Variants in RXFP2 observed in about 807,000 individuals in gnomAD.
RXFP2 encodes relaxin family peptide receptor 2.
A neutral mutation model predicts 88.6 loss-of-function variants in RXFP2; 68 were observed. The observed-to-expected ratio is 0.77, with a 90% CI of 0.63 to 0.94. The LOEUF is 0.94. RXFP2 is among the 40% of genes least tolerant of loss of function. The pLI is 0.00. For synonymous variants in RXFP2, 329 were observed against 306.8 expected, an observed-to-expected ratio of 1.07 and a Z score of -0.76; for missense variants, 791 against 893.9, an observed-to-expected ratio of 0.88 and a Z score of 1.47.
Position 31,782,760 on chromosome 13 carries a change from G to T in RXFP2, c.929+13G>T, listed in dbSNP as rs182293739. ...ATTTAGGAGAACTGTAAGTAGCATC[G>T]TCTACTAGGAAAATATGATTGCTTC... On this transcript the variant is annotated intron_variant, in intron 11 of 17. Transcript: ENST00000298386. The T allele has an allele frequency of 5.3e-4, 783 of 1,486,176 alleles. 3 individuals are homozygous for T. The highest frequency in any genetic ancestry group is 7.9e-4 in the East Asian group (35 of 44,228). 92.1% of individuals were successfully genotyped at this position (1,486,176 alleles called of 1,614,324 possible). A position where few individuals can be genotyped will look rare whatever the true frequency, so the allele number is the denominator to read the frequency against.
intron 1 of RXFP2, among the ~76,000 whole-genome samples, chr13:31,746,914 A>G (rs1428116630): frequency 1.3e-5 from 2 of 152,174 alleles, no homozygotes; most frequent in Non-Finnish European, 2.9e-5. Context: ...TCAAAATTCA[A>G]TCTGAGGGTG....
intron 5 of RXFP2, among the ~76,000 whole-genome samples, 189 bp from the exon 6 acceptor site, chr13:31,774,431 A>G (rs1229529696): frequency 6.6e-6 from 1 of 152,222 alleles, no homozygotes; most frequent in Non-Finnish European, 1.5e-5. Flanking sequence ...TCATTGCATG[A>G]GTACTATGAG....
chr13:31,762,463 A>C (rs1323435570), intron 3 of RXFP2, among the ~76,000 whole-genome samples: 1 of 152,220 alleles, frequency 6.6e-6, no homozygotes, highest in Non-Finnish European at 1.5e-5. Context: ...CATGAGGTGG[A>C]GGGGCAGGAG....
chr13:31,759,430 A>AAAG (rs1566218597), intron 2 of RXFP2, among the ~76,000 whole-genome samples: 22 of 143,110 alleles, frequency 1.5e-4, no homozygotes, highest in Middle Eastern at 3.8e-3. Flanking sequence ...AGAAAGAAAG[A>AAAG]AAGAAAGAAA....
At chr13:31,789,707 G>A (rs1047135527) in intron 14 of RXFP2, among the ~76,000 whole-genome samples, 42 of 152,302 alleles carry the variant, frequency 2.8e-4, no homozygotes, top group African/African-American at 9.4e-4. Flanking sequence ...GTTAATATAT[G>A]TGTTCATAAT....
intron 17 of RXFP2, among the ~76,000 whole-genome samples, 200 bp downstream of exon 17, chr13:31,797,619 A>C (rs1035273230): frequency 2.0e-5 from 3 of 152,222 alleles, no homozygotes; most frequent in African/African-American, 7.2e-5. Flanking sequence ...AAAAAGCAGG[A>C]GCTACAGAGA....
intron 17 of RXFP2, among the ~76,000 whole-genome samples, chr13:31,798,904 C>T (rs768740272): frequency 3.9e-5 from 6 of 152,174 alleles, no homozygotes; most frequent in African/African-American, 9.7e-5. Flanking sequence ...GTGCCATTTT[C>T]GATCTCTTCT....
chr13:31,798,595 C>G (rs1212675917), intron 17 of RXFP2, among the ~76,000 whole-genome samples: 2 of 152,166 alleles, frequency 1.3e-5, no homozygotes, highest in African/African-American at 4.8e-5. Flanking sequence ...AATTTTACAC[C>G]CTAACCTTTC....
rs928514046 is a variant in RXFP2 at position 31,802,651 on chromosome 13, T to G, written c.*246T>G. 2 of 507,222 alleles carry G rather than the reference T, an allele frequency of 3.9e-6. No individual in the cohort carries two copies. Among genetic ancestry groups the G allele is most frequent in the African/African-American group, 3.9e-5 (2 of 51,816 alleles). 31.4% of individuals were successfully genotyped at this position (507,222 alleles called of 1,614,324 possible). A position where few individuals can be genotyped will look rare whatever the true frequency, so the allele number is the denominator to read the frequency against. ...TGAAAAGCACATGTGAATTCGTGTATAGTGGGCTGAGGTGCAGCTGATCTC... is the reference window on the plus strand; with the variant it reads ...TGAAAAGCACATGTGAATTCGTGTAGAGTGGGCTGAGGTGCAGCTGATCTC... On this transcript the variant is annotated 3_prime_UTR_variant, in exon 18 of 18. Coordinates refer to ENST00000298386, the MANE Select transcript of RXFP2 (RefSeq NM_130806.5).
intron 1 of RXFP2, among the ~76,000 whole-genome samples, chr13:31,751,157 T>G (rs540772256): frequency 5.3e-5 from 8 of 152,192 alleles, no homozygotes; most frequent in African/African-American, 1.9e-4. Flanking sequence ...CTGAGTGTGT[T>G]GGCGCATGCC....
chr13:31,750,125 T>G (rs1266253964), intron 1 of RXFP2, among the ~76,000 whole-genome samples: 1 of 152,170 alleles, frequency 6.6e-6, no homozygotes, highest in Non-Finnish European at 1.5e-5. Context: ...CAAGAAAATA[T>G]TTGTGAGTCA....
intron 8 of RXFP2, 54 bp downstream of exon 8, chr13:31,777,501 A>G: frequency 7.9e-7 from 1 of 1,268,330 alleles, no homozygotes; most frequent in Non-Finnish European, 1.1e-6. Context: ...AATGACATCT[A>G]GCACTAGCTT....
chr13:31,775,193 C>T (rs1593460516), intron 6 of RXFP2, 125 bp from the exon 7 acceptor site: 5 of 821,788 alleles, frequency 6.1e-6, no homozygotes, highest in Admixed American at 1.9e-5. Flanking sequence ...TCTGCTCATT[C>T]AGCCGAATAC....
At chr13:31,797,470 C>A in intron 17 of RXFP2, 51 bp downstream of exon 17, 1 of 1,371,110 alleles carries the variant, frequency 7.3e-7, no homozygotes, top group South Asian at 1.2e-5. Flanking sequence ...CTTCTTACGT[C>A]CTTCTTTTGA....
At chr13:31,781,399 T>C (rs748970350) in intron 9 of RXFP2, among the ~76,000 whole-genome samples, 5 of 152,106 alleles carry the variant, frequency 3.3e-5, no homozygotes, top group Non-Finnish European at 7.3e-5. Context: ...TAGTTTATGA[T>C]GGGTTGGGCA....
intron 5 of RXFP2, among the ~76,000 whole-genome samples, chr13:31,768,880 C>T (rs1872642515): frequency 1.3e-5 from 2 of 152,152 alleles, no homozygotes; most frequent in Admixed American, 1.3e-4. Flanking sequence ...CTTCCCAATC[C>T]TCATTCAATG....
chr13:31,762,591 T>C (rs1009227518), intron 3 of RXFP2, among the ~76,000 whole-genome samples: 2 of 152,142 alleles, frequency 1.3e-5, no homozygotes, highest in Non-Finnish European at 2.9e-5. Flanking sequence ...GACATAGATA[T>C]ATAATTAGGA....
intron 16 of RXFP2, among the ~76,000 whole-genome samples, chr13:31,796,669 A>G (rs1463092030): frequency 6.6e-6 from 1 of 152,158 alleles, no homozygotes; most frequent in Non-Finnish European, 1.5e-5. Flanking sequence ...CATCTGGTGA[A>G]CCCAATTTCT....
intron 4 of RXFP2, among the ~76,000 whole-genome samples, chr13:31,765,657 T>TTTTGG (rs1394537510): frequency 1.3e-5 from 2 of 152,206 alleles, no homozygotes; most frequent in Admixed American, 6.5e-5. Flanking sequence ...TTTGGCTGGT[T>TTTTGG]TTTGGTTTGG....
Sources: allele counts gnomAD v4.1 joint callset (sites outside exome capture counted in the v4.1 genomes callset), GRCh38; gene constraint gnomAD v4.1.1; transcripts MANE v1.5; gene names NCBI Gene and HGNC (gene_info 2026-07-23, HGNC 2026-07-21).